RPF1: variants seen among roughly 807,000 people sequenced by gnomAD.
RPF1 encodes ribosome production factor 1.
A neutral mutation model predicts 41.9 loss-of-function variants in RPF1; 34 were observed. That is an observed-to-expected ratio of 0.81 (90% CI 0.62 to 1.08). The LOEUF is 1.08. RPF1 is among the 50% of genes least tolerant of loss of function. The probability of loss-of-function intolerance (pLI) is 0.00; values close to 1 mark genes in which losing one functional copy is unlikely to be tolerated. For missense variants in RPF1, 425 were observed against 435.2 expected, an observed-to-expected ratio of 0.98 and a Z score of 0.21; for synonymous variants, 140 against 148.9, an observed-to-expected ratio of 0.94 and a Z score of 0.43.
chr1:84,485,708 C>T (rs904803903), intron 3 of RPF1, among the ~76,000 whole-genome samples: 9 of 152,104 alleles, frequency 5.9e-5, no homozygotes, highest in Non-Finnish European at 1.2e-4. Context: ...CCAGGTTTCT[C>T]CACTCTGAAT....
intron 3 of RPF1, among the ~76,000 whole-genome samples, chr1:84,483,865 T>A (rs144920222): frequency 6.6e-6 from 1 of 152,322 alleles, no homozygotes. Flanking sequence ...AGTCATACAC[T>A]GATTTCTGTC....
At chr1:84,479,790 A>G (rs1681610031) in intron 1 of RPF1, among the ~76,000 whole-genome samples, 2 of 152,194 alleles carry the variant, frequency 1.3e-5, no homozygotes, top group African/African-American at 4.8e-5. Context: ...TTGGCTTAGT[A>G]GTGAAAACTA....
At chr1:84,480,202 T>C (rs1304912727) in intron 1 of RPF1, among the ~76,000 whole-genome samples, 1 of 152,186 alleles carries the variant, frequency 6.6e-6, no homozygotes, top group East Asian at 1.9e-4. Context: ...TTCTTACTCA[T>C]GTTCAGTGTC....
chr1:84,493,315 A>G (rs1054244514), intron 5 of RPF1, among the ~76,000 whole-genome samples: 37 of 145,052 alleles, frequency 2.6e-4, no homozygotes, highest in Non-Finnish European at 5.1e-4. Flanking sequence ...AATCTGATGC[A>G]TGGTAGGCAC....
chr1:84,496,466 G>A, intron 8 of RPF1, 96 bp downstream of exon 8: 2 of 1,052,758 alleles, frequency 1.9e-6, no homozygotes, highest in Non-Finnish European at 2.8e-6. Flanking sequence ...AATGGATGCT[G>A]GGCTTAATAC....
chr1:84,488,976 T>TA (rs1464409990), intron 3 of RPF1, among the ~76,000 whole-genome samples: 2 of 152,124 alleles, frequency 1.3e-5, no homozygotes, highest in African/African-American at 4.8e-5. Context: ...AATCAGTTTT[T>TA]ACCAAGATAT....
At position 84,497,853 on chromosome 1, in the gene RPF1, T is replaced by C. The variant is rs1310823114; in HGVS notation, c.*383T>C. The C allele has an allele frequency of 1.3e-5, 2 of 159,208 alleles. No individual in the cohort carries two copies. Among genetic ancestry groups the C allele is most frequent in the African/African-American group, 4.8e-5 (2 of 41,764 alleles). 9.9% of individuals were successfully genotyped at this position (159,208 alleles called of 1,614,324 possible). On this transcript the variant is annotated 3_prime_UTR_variant, in exon 9 of 9. Transcript: ENST00000370654. ...TGGATTCCCAGTGTCTGGCACAGTT[T>C]TAATAGCTTAAATGGAGGCCAGGTT...
At chr1:84,479,577 G>C in intron 1 of RPF1, 68 bp downstream of exon 1, 1 of 1,443,310 alleles carries the variant, frequency 6.9e-7, no homozygotes, top group Middle Eastern at 1.9e-4. Flanking sequence ...GTCGCGGGGC[G>C]CACATCTGTG....
chr1:84,493,606 A>G (rs1681875900), intron 5 of RPF1, among the ~76,000 whole-genome samples: 1 of 151,802 alleles, frequency 6.6e-6, no homozygotes. Flanking sequence ...AAAACAAAAG[A>G]AAAAAATTCC....
chr1:84,479,563 G>A, intron 1 of RPF1, 54 bp downstream of exon 1: 1 of 1,537,314 alleles, frequency 6.5e-7, no homozygotes, highest in Admixed American at 1.7e-5. Context: ...TGACGCTTAG[G>A]GCGGTCGCGG....
chr1:84,480,896 T>G, intron 1 of RPF1, 60 bp from the exon 2 acceptor site: 1 of 865,796 alleles, frequency 1.2e-6, no homozygotes, highest in Non-Finnish European at 1.9e-6. Flanking sequence ...AGTTTCAGTA[T>G]GTGTTTGTGA....
At chr1:84,493,131 C>T (rs954166724) in intron 5 of RPF1, among the ~76,000 whole-genome samples, 3 of 152,096 alleles carry the variant, frequency 2.0e-5, no homozygotes, top group Admixed American at 2.0e-4. Context: ...TGGCTTTTGA[C>T]ACAGACCACA....
chr1:84,485,493 C>G (rs1681721112), intron 3 of RPF1, among the ~76,000 whole-genome samples: 1 of 152,108 alleles, frequency 6.6e-6, no homozygotes, highest in African/African-American at 2.4e-5. Context: ...GTGGAATTCC[C>G]CACTTGTGGC....
intron 1 of RPF1, among the ~76,000 whole-genome samples, chr1:84,480,142 T>C (rs1414379731): frequency 1.3e-5 from 2 of 152,182 alleles, no homozygotes; most frequent in Admixed American, 6.5e-5. Flanking sequence ...CACAATATTA[T>C]TATTATGTGT....
At chr1:84,486,256 A>G (rs557428909) in intron 3 of RPF1, among the ~76,000 whole-genome samples, 55 of 152,182 alleles carry the variant, frequency 3.6e-4, no homozygotes, top group Non-Finnish European at 6.2e-4. Flanking sequence ...TTGGTTTTAT[A>G]CTTAGTGAAA....
chr1:84,496,967 G>A (rs1157486959), intron 8 of RPF1, among the ~76,000 whole-genome samples: 1 of 151,934 alleles, frequency 6.6e-6, no homozygotes, highest in Admixed American at 6.6e-5. Context: ...CACCTCCCGG[G>A]TTCAAGCTAT....
chr1:84,484,694 T>C (rs1244769272), intron 3 of RPF1, among the ~76,000 whole-genome samples: 4 of 151,852 alleles, frequency 2.6e-5, no homozygotes, highest in African/African-American at 7.3e-5. Flanking sequence ...TTTTTTTTTT[T>C]TTTTTCTCCG....
intron 8 of RPF1, 105 bp downstream of exon 8, chr1:84,496,475 A>AC: frequency 1.0e-6 from 1 of 970,312 alleles, no homozygotes; most frequent in Non-Finnish European, 1.5e-6. Flanking sequence ...TGGGCTTAAT[A>AC]CCTAGGTGAT....
rs1469772600 is a variant in RPF1 at position 84,497,926 on chromosome 1, T to TA, written c.*459dup. ...TAAGCCTTCAGAAGGGTAAAAAATTTAAAGCAAAATGATCTACCAGGGTTT... is the reference window on the plus strand; with the variant it reads ...TAAGCCTTCAGAAGGGTAAAAAATTTAAAAGCAAAATGATCTACCAGGGTTT... On this transcript the variant is annotated 3_prime_UTR_variant, in exon 9 of 9. Transcript: ENST00000370654. The TA allele has an allele frequency of 6.5e-6, 1 of 152,780 alleles. No homozygotes were observed. Among genetic ancestry groups the TA allele is most frequent in the Admixed American group, 6.5e-5 (1 of 15,310 alleles). 9.5% of individuals were successfully genotyped at this position (152,780 alleles called of 1,614,324 possible). A position where few individuals can be genotyped will look rare whatever the true frequency, so the allele number is the denominator to read the frequency against.
Sources: gnomAD v4.1 joint callset for allele counts (sites outside exome capture counted in the v4.1 genomes callset) on GRCh38, gnomAD v4.1.1 for gene constraint, MANE v1.5 for transcripts, NCBI Gene and HGNC (gene_info 2026-07-23, HGNC 2026-07-21) for gene names.